Variants in UBE2Z observed in about 807,000 individuals in gnomAD.
The protein encoded by UBE2Z is ubiquitin-conjugating enzyme E2 Z.
In UBE2Z, 10 loss-of-function variants were observed where a neutral mutation model predicts 32.6. That is an observed-to-expected ratio of 0.31 (90% CI 0.19 to 0.52). The LOEUF (loss-of-function observed/expected upper bound fraction) is 0.52. UBE2Z is among the 20% of genes least tolerant of loss of function. The pLI is 0.97. For missense variants in UBE2Z, 343 were observed against 480.9 expected (o/e 0.71, Z 2.68); for synonymous variants, 183 against 190.8 (o/e 0.96, Z 0.34).
intron 3 of UBE2Z, 169 bp from the exon 4 acceptor site, chr17:48,915,907 C>G (rs1242873533): frequency 2.4e-5 from 7 of 294,676 alleles, no homozygotes; most frequent in Admixed American, 1.4e-4. Context: ...TGACTGATTT[C>G]TGGTGAAATC....
At chr17:48,918,367 T>A (rs2040735227) in intron 4 of UBE2Z, among the ~76,000 whole-genome samples, 1 of 151,980 alleles carries the variant, frequency 6.6e-6, no homozygotes, top group South Asian at 2.1e-4. Context: ...AGAGTCTCAC[T>A]CCATCACTCA....
In UBE2Z at chr17:48,922,836, T is replaced by C; in HGVS notation, c.804-11T>C. The C allele has an allele frequency of 6.2e-7, 1 of 1,607,464 alleles. No individual in the cohort carries two copies. Among genetic ancestry groups the C allele is most frequent in the Non-Finnish European group, 8.5e-7 (1 of 1,175,060 alleles). On this transcript the variant is annotated splice_polypyrimidine_tract_variant and intron_variant, in intron 5 of 6. Coordinates refer to ENST00000360943, the MANE Select transcript of UBE2Z (RefSeq NM_023079.5). ...GGGTTTCTCACTTACACTTTTCTGC[T>C]TGTTTTCCAGAGGGGTGATGGAGAA...
At chr17:48,917,063 T>A (rs2040725896) in intron 4 of UBE2Z, among the ~76,000 whole-genome samples, 1 of 151,770 alleles carries the variant, frequency 6.6e-6, no homozygotes, top group Admixed American at 6.6e-5. Flanking sequence ...TCCCAGCACT[T>A]TGGGAGGCCG....
chr17:48,921,299 A>G (rs373350842), intron 5 of UBE2Z, 27 bp downstream of exon 5: 138 of 1,577,250 alleles, frequency 8.7e-5, no homozygotes, highest in Non-Finnish European at 1.1e-4. Context: ...CTTGCTTGGT[A>G]TTCCTTTCGG....
intron 4 of UBE2Z, among the ~76,000 whole-genome samples, chr17:48,918,669 T>A (rs1244823914): frequency 6.6e-6 from 1 of 152,004 alleles, no homozygotes; most frequent in Non-Finnish European, 1.5e-5. Flanking sequence ...AACCCATCCT[T>A]TCTCCAAACA....
chr17:48,908,662 C>G lies in UBE2Z; in HGVS notation c.159C>G (p.Gly53=). 1 of 1,220,980 alleles carries G rather than the reference C, an allele frequency of 8.2e-7. No homozygotes were observed. Among genetic ancestry groups the G allele is most frequent in the Non-Finnish European group, 1.0e-6 (1 of 980,290 alleles). The allele number at this position is 1,220,980 out of a possible 1,614,324, so 75.6% of individuals were successfully genotyped here. ...TGTGGGCGGCGGCGGCGGCAGCGGG[C>G]GGGGCCGGGGGCCCGGGGAGCGGCC... ...PDVWAAAAAA[G]GAGGPGSGLA... Residue 53 remains glycine (G), a synonymous_variant, in exon 1 of 7, where the codon GGC becomes GGG. Transcript: ENST00000360943.
chr17:48,922,258 G>A (rs758858669), intron 5 of UBE2Z, among the ~76,000 whole-genome samples: 2 of 151,992 alleles, frequency 1.3e-5, no homozygotes, highest in African/African-American at 2.4e-5. Flanking sequence ...GTGGTGGCAC[G>A]CACCTGTAAT....
intron 3 of UBE2Z, among the ~76,000 whole-genome samples, chr17:48,914,580 G>A (rs1598072716): frequency 6.6e-6 from 1 of 152,180 alleles, no homozygotes; most frequent in African/African-American, 2.4e-5. Context: ...TCGCGAAAGC[G>A]TGTCTCAAAG....
intron 5 of UBE2Z, among the ~76,000 whole-genome samples, chr17:48,921,623 G>A (rs559009428): frequency 6.6e-6 from 1 of 152,200 alleles, no homozygotes; most frequent in Non-Finnish European, 1.5e-5. Flanking sequence ...GATGAGCAAC[G>A]TCAGGGTTAA....
At position 48,923,865 on chromosome 17, in the gene UBE2Z, G is replaced by A. The variant is rs979634419; in HGVS notation, c.894+928G>A. 9.9e-5 allele frequency among the ~76,000 whole-genome samples: 15 copies of A among 152,066 alleles called. No homozygotes were observed. The East Asian group carries it at 2.9e-3, about 29-fold the overall frequency. On this transcript the variant is annotated intron_variant, in intron 6 of 6. Transcript: ENST00000360943. ...CTCCCACCTCAGCCTCCCAAGCTGG[G>A]ACTTACAGGTGTGCACCACCACAGC...
rs1361207621 is a variant in UBE2Z, at chr17:48,927,289, G to A, written c.*155G>A. 6.3e-6 allele frequency: 5 copies of A among 799,666 alleles called. No homozygotes were observed. The highest frequency in any genetic ancestry group is 9.7e-6 in the Non-Finnish European group (5 of 515,178). 49.5% of individuals were successfully genotyped at this position (799,666 alleles called of 1,614,324 possible). A position where few individuals can be genotyped will look rare whatever the true frequency, so the allele number is the denominator to read the frequency against. On this transcript the variant is annotated 3_prime_UTR_variant, in exon 7 of 7. Transcript: ENST00000360943. ...AGCAAGCTCCGATCCCAGGGTGTGG[G>A]AGTGGGGGCCTGTTCCCGGTCTGAC...
chr17:48,910,763 C>G, intron 1 of UBE2Z, 45 bp from the exon 2 acceptor site: 1 of 1,461,270 alleles, frequency 6.8e-7, no homozygotes, highest in Non-Finnish European at 9.6e-7. Context: ...CCCCCTTTCC[C>G]CCTCTTCCTC....
At chr17:48,913,221 C>G (rs1273764650) in intron 3 of UBE2Z, among the ~76,000 whole-genome samples, 200 bp downstream of exon 3, 1 of 152,098 alleles carries the variant, frequency 6.6e-6, no homozygotes, top group African/African-American at 2.4e-5. Flanking sequence ...ACAGTGGTAA[C>G]CTTTGAGAAG....
chr17:48,922,352 A>G (rs1222140452), intron 5 of UBE2Z, among the ~76,000 whole-genome samples: 1 of 152,156 alleles, frequency 6.6e-6, no homozygotes, highest in African/African-American at 2.4e-5. Flanking sequence ...GCGCCACTGT[A>G]TTCCAGCCTG....
At chr17:48,912,637 A>AAG in intron 2 of UBE2Z, 197 bp from the exon 3 acceptor site, 1 of 576,514 alleles carries the variant, frequency 1.7e-6, no homozygotes, top group South Asian at 2.4e-5. Flanking sequence ...ATTCCACTGT[A>AAG]ATGAGATTTC....
At chr17:48,917,309 A>G (rs1598074102) in intron 4 of UBE2Z, among the ~76,000 whole-genome samples, 1 of 152,146 alleles carries the variant, frequency 6.6e-6, no homozygotes, top group Admixed American at 6.5e-5. Context: ...CGTCTTAAAA[A>G]AATAATAATA....
At chr17:48,910,787 C>T (rs2040671619) in intron 1 of UBE2Z, 21 bp from the exon 2 acceptor site, 1 of 1,594,614 alleles carries the variant, frequency 6.3e-7, no homozygotes, top group South Asian at 1.1e-5. Context: ...CCTTCCCCCA[C>T]CTCCTCTTGG....
intron 6 of UBE2Z, among the ~76,000 whole-genome samples, chr17:48,926,721 TCCGCCCGCC>T (rs2143779886): frequency 6.6e-6 from 1 of 152,240 alleles, no homozygotes; most frequent in East Asian, 1.9e-4. Context: ...CCTCAGGTGA[TCCGCCCGCC>T]TCGGCCGCCC....
chr17:48,915,181 C>G (rs2040710235), intron 3 of UBE2Z, among the ~76,000 whole-genome samples: 1 of 151,964 alleles, frequency 6.6e-6, no homozygotes, highest in African/African-American at 2.4e-5. Context: ...CTTCAGAGAG[C>G]AGTAGGTCTA....
Sources: gnomAD v4.1 joint callset for allele counts (sites outside exome capture counted in the v4.1 genomes callset) on GRCh38, gnomAD v4.1.1 for gene constraint, MANE v1.5 for transcripts, NCBI Gene and HGNC (gene_info 2026-07-23, HGNC 2026-07-21) for gene names.